CLSTN2: variants seen among roughly 807,000 people sequenced by gnomAD.
The protein encoded by CLSTN2 is calsyntenin-2.
In CLSTN2, 48 loss-of-function variants were observed where a neutral mutation model predicts 101.2. That is an observed-to-expected ratio of 0.47 (90% CI 0.38 to 0.60). The LOEUF is 0.60. Ranked by LOEUF, CLSTN2 falls within the 20% of genes least tolerant of loss-of-function variation. CLSTN2 has a pLI of 0.00. For missense variants in CLSTN2, 1,160 were observed against 1,238.2 expected, an observed-to-expected ratio of 0.94 and a Z score of 0.95; for synonymous variants, 481 against 463.6, an observed-to-expected ratio of 1.04 and a Z score of -0.48.
intron 8 of CLSTN2, among the ~76,000 whole-genome samples, chr3:140,486,995 A>T (rs1319377176): frequency 6.6e-6 from 1 of 152,194 alleles, no homozygotes. Flanking sequence ...TGATTCCAGG[A>T]TGCACACAAT....
intron 1 of CLSTN2, among the ~76,000 whole-genome samples, chr3:139,998,320 T>C (rs2006728826): frequency 7.2e-6 from 1 of 139,222 alleles, no homozygotes; most frequent in Non-Finnish European, 1.5e-5. Flanking sequence ...AATGGGATAA[T>C]AGTTCCCCCA....
At chr3:140,052,502 C>T (rs2008016244) in intron 1 of CLSTN2, among the ~76,000 whole-genome samples, 1 of 152,218 alleles carries the variant, frequency 6.6e-6, no homozygotes, top group South Asian at 2.1e-4. Flanking sequence ...CTGCTCCCCA[C>T]CCTGATTCTA....
chr3:139,973,942 T>C lies in CLSTN2; in HGVS notation c.109+38459T>C, dbSNP rs943219219. Among the ~76,000 whole-genome samples, 16 of 152,094 alleles carry C rather than the reference T, an allele frequency of 1.1e-4. 1 individual carries two copies. Among genetic ancestry groups the C allele is most frequent in the Middle Eastern group, 3.2e-3 (1 of 316 alleles). On this transcript the variant is annotated intron_variant, in intron 1 of 16. Coordinates refer to ENST00000458420, the MANE Select transcript of CLSTN2 (RefSeq NM_022131.3). ...ATGAGCCACCACTCCTGGCCAGAAA[T>C]GGTACTTTCAAGAAGCTGATATTGC...
At chr3:139,981,100 A>G (rs1314214429) in intron 1 of CLSTN2, among the ~76,000 whole-genome samples, 2 of 150,804 alleles carry the variant, frequency 1.3e-5, no homozygotes, top group South Asian at 2.1e-4. Flanking sequence ...TCATCTGCAC[A>G]TATTTGGGTT....
intron 2 of CLSTN2, among the ~76,000 whole-genome samples, chr3:140,311,638 A>G (rs1319189462): frequency 6.6e-6 from 1 of 152,012 alleles, no homozygotes; most frequent in Non-Finnish European, 1.5e-5. Flanking sequence ...TTAAGGCACT[A>G]TTCTGAGAGT....
intron 1 of CLSTN2, among the ~76,000 whole-genome samples, chr3:140,135,899 C>G (rs1284466779): frequency 1.3e-5 from 2 of 152,180 alleles, no homozygotes; most frequent in Non-Finnish European, 2.9e-5. Flanking sequence ...GTCTCGAGAG[C>G]ATTGGTGAAT....
At chr3:140,427,218 T>C (rs1205450810) in intron 5 of CLSTN2, among the ~76,000 whole-genome samples, 1 of 82,600 alleles carries the variant, frequency 1.2e-5, no homozygotes, top group Non-Finnish European at 2.0e-5. Context: ...TATATATATA[T>C]ATATATGTGT....
At chr3:140,331,709 C>G (rs1255459524) in intron 2 of CLSTN2, among the ~76,000 whole-genome samples, 1 of 152,120 alleles carries the variant, frequency 6.6e-6, no homozygotes, top group Non-Finnish European at 1.5e-5. Flanking sequence ...TAAACCTAAC[C>G]CTGTAACCAA....
Position 140,197,672 on chromosome 3 carries a change from A to G in CLSTN2, c.232+21599A>G, listed in dbSNP as rs964008308. Among the ~76,000 whole-genome samples, 10 of 152,294 alleles carry G rather than the reference A, an allele frequency of 6.6e-5. No individual in the cohort carries two copies. In the East Asian group the frequency reaches 1.9e-3, roughly 29 times the overall value. On this transcript the variant is annotated intron_variant, in intron 2 of 16. Coordinates refer to ENST00000458420, the MANE Select transcript of CLSTN2 (RefSeq NM_022131.3). ...TTTTTGGTTGTCTTAATGGGAGATT[A>G]TAGGTTGCTGTGACATCTAGTGAGT...
chr3:139,937,390 G>A (rs1935042475), intron 1 of CLSTN2, among the ~76,000 whole-genome samples: 1 of 152,152 alleles, frequency 6.6e-6, no homozygotes, highest in Non-Finnish European at 1.5e-5. Context: ...GGATAATTAT[G>A]TGCATTTTAA....
chr3:140,169,522 G>A (rs550809602), intron 1 of CLSTN2, among the ~76,000 whole-genome samples: 1 of 152,106 alleles, frequency 6.6e-6, no homozygotes, highest in African/African-American at 2.4e-5. Context: ...TGCTGAGAGT[G>A]GGCCATCCTT....
chr3:140,256,078 A>G (rs1439526097), intron 2 of CLSTN2, among the ~76,000 whole-genome samples: 1 of 152,186 alleles, frequency 6.6e-6, no homozygotes, highest in Non-Finnish European at 1.5e-5. Context: ...AGGGTCATGG[A>G]TAGTGTGAGA....
intron 5 of CLSTN2, among the ~76,000 whole-genome samples, chr3:140,446,717 T>A (rs963473499): frequency 2.0e-5 from 3 of 152,118 alleles, no homozygotes; most frequent in Non-Finnish European, 4.4e-5. Flanking sequence ...AAGCCAAGAT[T>A]GTTGCTGCAT....
chr3:140,432,925 G>T (rs1464674684), intron 5 of CLSTN2, among the ~76,000 whole-genome samples: 1 of 152,152 alleles, frequency 6.6e-6, no homozygotes, highest in Non-Finnish European at 1.5e-5. Context: ...GCATGCACGT[G>T]GTCATTTATT....
intron 2 of CLSTN2, among the ~76,000 whole-genome samples, chr3:140,316,971 T>C (rs773530817): frequency 6.6e-6 from 1 of 152,168 alleles, no homozygotes; most frequent in African/African-American, 2.4e-5. Flanking sequence ...AATATACTGA[T>C]GGGGAAATTG....
At chr3:140,335,424 A>T (rs2087430291) in intron 2 of CLSTN2, among the ~76,000 whole-genome samples, 1 of 150,814 alleles carries the variant, frequency 6.6e-6, no homozygotes, top group Admixed American at 6.6e-5. Flanking sequence ...AAACTCAGAG[A>T]TGTGTGCATT....
At chr3:140,255,278 G>A (rs1292608606) in intron 2 of CLSTN2, among the ~76,000 whole-genome samples, 1 of 152,256 alleles carries the variant, frequency 6.6e-6, no homozygotes, top group East Asian at 1.9e-4. Context: ...ACTAACATTT[G>A]ACCCAGCAAT....
At chr3:140,323,298 A>G (rs2087302332) in intron 2 of CLSTN2, among the ~76,000 whole-genome samples, 1 of 152,230 alleles carries the variant, frequency 6.6e-6, no homozygotes, top group South Asian at 2.1e-4. Context: ...CTCTGATGCC[A>G]GCTGGCATTG....
chr3:140,375,511 A>G (rs2087906667), intron 2 of CLSTN2, among the ~76,000 whole-genome samples: 1 of 151,948 alleles, frequency 6.6e-6, no homozygotes, highest in Non-Finnish European at 1.5e-5. Flanking sequence ...ATTTTGTTTT[A>G]TTGCCCAATT....
Sources: allele counts gnomAD v4.1 joint callset (sites outside exome capture counted in the v4.1 genomes callset), GRCh38; gene constraint gnomAD v4.1.1; transcripts MANE v1.5; gene names NCBI Gene and HGNC (gene_info 2026-07-23, HGNC 2026-07-21).